The following AFF3 variants were observed in gnomAD, a reference collection of about 807,000 sequenced individuals.
AFF3 encodes AF4/FMR2 family member 3.
In AFF3, 32 loss-of-function variants were observed where a neutral mutation model predicts 129.7. The observed-to-expected ratio is 0.25, with a 90% CI of 0.19 to 0.33. The LOEUF (loss-of-function observed/expected upper bound fraction) is 0.33. Ranked by LOEUF, AFF3 falls within the 10% of genes least tolerant of loss-of-function variation. The pLI, the probability that AFF3 is intolerant of heterozygous loss-of-function variation, is 1.00. For synonymous variants in AFF3, 644 were observed against 635.4 expected, an observed-to-expected ratio of 1.01 and a Z score of -0.20; for missense variants, 1,373 against 1,592.0, an observed-to-expected ratio of 0.86 and a Z score of 2.34.
intron 13 of AFF3, among the ~76,000 whole-genome samples, chr2:99,648,178 C>A (rs1684863595): frequency 6.6e-6 from 1 of 152,048 alleles, no homozygotes; most frequent in Non-Finnish European, 1.5e-5. Context: ...AAAGTTCACC[C>A]ATTTAAAGCA....
chr2:100,137,539 A>G (rs1692685440), intron 1 of AFF3, among the ~76,000 whole-genome samples: 1 of 137,434 alleles, frequency 7.3e-6, no homozygotes, highest in African/African-American at 2.7e-5. Context: ...ACGTGCATAC[A>G]CACACACACA....
chr2:99,995,216 T>C (rs894452017), intron 7 of AFF3, among the ~76,000 whole-genome samples: 1 of 152,116 alleles, frequency 6.6e-6, no homozygotes, highest in African/African-American at 2.4e-5. Context: ...CTCCTACCTG[T>C]GGCTATAATT....
At chr2:99,574,622 A>G (rs1011864781) in intron 18 of AFF3, among the ~76,000 whole-genome samples, 2 of 152,244 alleles carry the variant, frequency 1.3e-5, no homozygotes, top group African/African-American at 2.4e-5. Context: ...TTGAGAGCCT[A>G]CTGGCTTCAG....
At chr2:99,894,015 G>A (rs915562400) in intron 7 of AFF3, among the ~76,000 whole-genome samples, 1 of 152,124 alleles carries the variant, frequency 6.6e-6, no homozygotes, top group African/African-American at 2.4e-5. Flanking sequence ...ACCCATTTAT[G>A]CCAGAGGTTG....
At position 99,740,491 on chromosome 2, in the gene AFF3, T is replaced by G. The variant is rs561716477; in HGVS notation, c.1039+3613A>C. 2.8e-5 allele frequency among the ~76,000 whole-genome samples: 4 copies of G among 144,752 alleles called. No individual in the cohort carries two copies. The East Asian group carries it at 8.2e-4, about 30-fold the overall frequency. The allele number at this position is 144,752 out of a possible 152,430, so 95.0% of individuals were successfully genotyped here. The stretch of plus-strand genomic sequence containing the variant: ...CAGCACCTGTTGTTTCCTGACTTTT[T>G]AATGATTGCCATTCTAACTGGTGTG... On this transcript the variant is annotated intron_variant, in intron 10 of 24. Coordinates refer to ENST00000672756, the MANE Select transcript of AFF3 (RefSeq NM_001386135.1).
intron 7 of AFF3, among the ~76,000 whole-genome samples, chr2:99,882,046 C>G (rs1394612389): frequency 6.6e-6 from 1 of 152,084 alleles, no homozygotes; most frequent in Non-Finnish European, 1.5e-5. Context: ...GATTGGTCCT[C>G]ATTTGCCTGT....
chr2:99,825,489 T>A (rs752507871), intron 8 of AFF3, among the ~76,000 whole-genome samples: 3 of 152,218 alleles, frequency 2.0e-5, no homozygotes, highest in Non-Finnish European at 2.9e-5. Flanking sequence ...TTCGAGTTGA[T>A]CACTTTGGAT....
At chr2:99,704,743 T>C (rs563794627) in intron 11 of AFF3, among the ~76,000 whole-genome samples, 1 of 152,306 alleles carries the variant, frequency 6.6e-6, no homozygotes, top group Admixed American at 6.5e-5. Context: ...TAATACTCTA[T>C]TGGCACAGGC....
chr2:99,639,690 ATT>A lies in AFF3; in HGVS notation c.1184+9934_1184+9935del, dbSNP rs35004242. ...TTTTATGTATTTATTTTTTTAATTA[ATT>A]TTTTTTTTTTTTTGAGACAGAATCT... On this transcript the variant is annotated intron_variant, in intron 13 of 24. Transcript: ENST00000672756. Among the ~76,000 whole-genome samples, 638 of 142,716 alleles carry A rather than the reference ATT, an allele frequency of 4.5e-3. 6 individuals carry two copies. Among genetic ancestry groups the A allele is most frequent in the East Asian group, 4.3e-3 (21 of 4,868 alleles). 93.6% of individuals were successfully genotyped at this position (142,716 alleles called of 152,430 possible).
chr2:99,621,861 G>A (rs1682049662), intron 13 of AFF3, among the ~76,000 whole-genome samples: 1 of 152,148 alleles, frequency 6.6e-6, no homozygotes, highest in Non-Finnish European at 1.5e-5. Context: ...GGAATAACAG[G>A]AGGCTGGGAT....
intron 5 of AFF3, 69 bp from the exon 6 acceptor site, chr2:100,007,529 G>A: frequency 7.1e-7 from 1 of 1,415,562 alleles, no homozygotes; most frequent in Non-Finnish European, 9.6e-7. Flanking sequence ...ATCAACAGGT[G>A]CCCTTATCAA....
intron 13 of AFF3, among the ~76,000 whole-genome samples, chr2:99,619,425 G>A (rs924088748): frequency 6.6e-6 from 1 of 152,216 alleles, no homozygotes; most frequent in African/African-American, 2.4e-5. Flanking sequence ...TTCCCTGGGT[G>A]AGGACACTCA....
chr2:99,670,603 T>C (rs4850911), intron 12 of AFF3, among the ~76,000 whole-genome samples: 74,193 of 151,836 alleles, frequency 0.49, 18,284 homozygotes, highest in East Asian at 0.63. Flanking sequence ...AGTTTGGTCT[T>C]GAAGAGAAAA....
chr2:99,794,428 C>T (rs545534828), intron 8 of AFF3, among the ~76,000 whole-genome samples: 16 of 152,168 alleles, frequency 1.1e-4, no homozygotes, highest in Non-Finnish European at 1.6e-4. Context: ...CTACTTAATG[C>T]TCTGGGTTGT....
chr2:99,940,114 C>T (rs188308076), intron 7 of AFF3, among the ~76,000 whole-genome samples: 2 of 152,288 alleles, frequency 1.3e-5, no homozygotes, highest in East Asian at 3.9e-4. Context: ...GAAGTCAGGA[C>T]ACCTGATGCT....
chr2:99,664,889 T>C (rs557247617), intron 12 of AFF3, among the ~76,000 whole-genome samples: 3 of 152,316 alleles, frequency 2.0e-5, no homozygotes, highest in South Asian at 2.1e-4. Flanking sequence ...TACGATGAGA[T>C]TCAGGTAAAA....
At position 99,546,163 on chromosome 2, in the gene AFF3, A is replaced by G. The variant is rs577693819; in HGVS notation, c.*5311T>C. ...TTGATCCGGGTTTCTTCGAAAATGT[A>G]TTACTTTTTACAAATATAATTCTTA... On this transcript the variant is annotated 3_prime_UTR_variant, in exon 25 of 25. Coordinates refer to ENST00000672756, the MANE Select transcript of AFF3 (RefSeq NM_001386135.1). 1.3e-5 allele frequency: 3 copies of G among 229,964 alleles called. No individual in the cohort carries two copies. Among genetic ancestry groups the G allele is most frequent in the East Asian group, 1.2e-4 (2 of 16,130 alleles). 14.2% of individuals were successfully genotyped at this position (229,964 alleles called of 1,614,324 possible).
At chr2:99,863,760 G>A (rs1314067610) in intron 7 of AFF3, among the ~76,000 whole-genome samples, 1 of 152,182 alleles carries the variant, frequency 6.6e-6, no homozygotes, top group Non-Finnish European at 1.5e-5. Flanking sequence ...CAACTGAGCA[G>A]CCCTGGGCCA....
At chr2:99,750,212 A>G (rs1681512443) in intron 9 of AFF3, among the ~76,000 whole-genome samples, 2 of 152,250 alleles carry the variant, frequency 1.3e-5, no homozygotes, top group Middle Eastern at 3.4e-3. Context: ...CCTACAAATT[A>G]GTTTTTAAAA....
Sources: allele counts gnomAD v4.1 joint callset (sites outside exome capture counted in the v4.1 genomes callset), GRCh38; gene constraint gnomAD v4.1.1; transcripts MANE v1.5; gene names NCBI Gene and HGNC (gene_info 2026-07-23, HGNC 2026-07-21).